The following BOP1 variants were observed in gnomAD, a reference collection of about 807,000 sequenced individuals.
BOP1 encodes the protein ribosome biogenesis protein BOP1.
In BOP1, 54 loss-of-function variants were observed where a neutral mutation model predicts 82.9. The ratio of observed to expected loss-of-function variants is 0.65; its 90% CI spans 0.52 to 0.82. The LOEUF (loss-of-function observed/expected upper bound fraction) is 0.82. BOP1 is among the 40% of genes least tolerant of loss of function. BOP1 has a pLI of 0.00. For missense variants in BOP1, 1,170 were observed against 1,072.0 expected, an observed-to-expected ratio of 1.09 and a Z score of -1.28; for synonymous variants, 566 against 451.1, an observed-to-expected ratio of 1.25 and a Z score of -3.23.
intron 2 of BOP1, among the ~76,000 whole-genome samples, chr8:144,284,972 G>A (rs575958713): frequency 2.8e-4 from 42 of 152,334 alleles, no homozygotes; most frequent in Non-Finnish European, 4.7e-4. Context: ...CAGTCACCGG[G>A]CTCCCCGCTA....
chr8:144,288,447 G>A (rs1814943545), intron 2 of BOP1, among the ~76,000 whole-genome samples: 1 of 58,916 alleles, frequency 1.7e-5, no homozygotes. Flanking sequence ...AGAATTACTT[G>A]AACCCAGGGG....
At chr8:144,275,464 AC>A (rs1845554990) in intron 3 of BOP1, among the ~76,000 whole-genome samples, 2 of 54,862 alleles carry the variant, frequency 3.6e-5, no homozygotes, top group Admixed American at 3.3e-4. Flanking sequence ...CAGCCTCTCC[AC>A]GCTGGCGGAG....
intron 3 of BOP1, chr8:144,268,137 A>G (rs1845422764): frequency 6.4e-7 from 1 of 1,551,622 alleles, no homozygotes; most frequent in African/African-American, 1.4e-5. Context: ...AGCGATTCGC[A>G]GTTAGGAGGT....
chr8:144,263,079 T>C lies in BOP1; in HGVS notation c.1668A>G (p.Gln556=). The C allele has an allele frequency of 6.3e-7, 1 of 1,589,848 alleles. No homozygotes were observed. Among genetic ancestry groups the C allele is most frequent in the Non-Finnish European group, 8.5e-7 (1 of 1,177,146 alleles). ...GDYLAVVLAT[Q]GHTQVLIHQL... is the part of the protein sequence containing the mutation. ...GGTGAATCAGCACCTGGGTGTGGCC[T>C]TGGGTGGCCAGCACCACGGCCAGGT... Residue 556 remains glutamine (Q), a synonymous_variant, in exon 13 of 16, where the codon CAA becomes CAG. Transcript: ENST00000569669.
intron 2 of BOP1, among the ~76,000 whole-genome samples, chr8:144,286,319 G>T (rs1357331083): frequency 2.0e-5 from 3 of 152,258 alleles, no homozygotes; most frequent in South Asian, 4.1e-4. Context: ...AGGACACGCG[G>T]GCAGATGCAC....
intron 3 of BOP1, among the ~76,000 whole-genome samples, chr8:144,272,804 CAA>C (rs1236673692): frequency 3.4e-4 from 52 of 152,324 alleles, no homozygotes; most frequent in African/African-American, 1.2e-3. Context: ...TCTCCTCTCC[CAA>C]ACCGGACAAC....
chr8:144,272,985 T>C (rs1845515080), intron 3 of BOP1, among the ~76,000 whole-genome samples: 1 of 152,002 alleles, frequency 6.6e-6, no homozygotes, highest in Non-Finnish European at 1.5e-5. Flanking sequence ...AGCAGCCCCC[T>C]CGGAGGCAGG....
chr8:144,273,163 C>A (rs1055074147), intron 3 of BOP1, among the ~76,000 whole-genome samples: 1 of 152,138 alleles, frequency 6.6e-6, no homozygotes. Context: ...GGCCAGGACG[C>A]GGGGGCGGGG....
At chr8:144,269,654 C>T (rs1293677240) in intron 3 of BOP1, among the ~76,000 whole-genome samples, 4 of 152,232 alleles carry the variant, frequency 2.6e-5, no homozygotes, top group Admixed American at 6.5e-5. Flanking sequence ...AATTTCCTCT[C>T]CCTAATCCTG....
chr8:144,281,022 T>C (rs1845664254), intron 2 of BOP1, among the ~76,000 whole-genome samples: 1 of 146,044 alleles, frequency 6.8e-6, no homozygotes, highest in Admixed American at 6.9e-5. Flanking sequence ...TCTTCGGCCT[T>C]CTCTCACTTT....
chr8:144,291,273 T>C lies in BOP1; in HGVS notation c.98A>G (p.Glu33Gly). 1 of 1,458,448 alleles carries C rather than the reference T, an allele frequency of 6.9e-7. No homozygotes were observed. The highest frequency in any genetic ancestry group is 9.0e-7 in the Non-Finnish European group (1 of 1,107,218). 90.3% of individuals were successfully genotyped at this position (1,458,448 alleles called of 1,614,324 possible). ...EPELEPEPEP[E>G]PPLLCTSPLS... ...GCCGCCCCGCATCGCCACAGTCACCTCCGGCTCGGGCTCAGGCTCCAGTTC... is the reference window on the plus strand; with the variant it reads ...GCCGCCCCGCATCGCCACAGTCACCCCCGGCTCGGGCTCAGGCTCCAGTTC... The change falls in exon 1 of 16, where the codon GAG becomes GGG. Residue 33 changes from glutamate (E) to glycine (G), a missense_variant and splice_region_variant. Coordinates refer to ENST00000569669, the MANE Select transcript of BOP1 (RefSeq NM_015201.5). The surrounding 1 kb of genome is among the most constrained non-coding windows in gnomAD (Gnocchi z 4.1).
chr8:144,286,397 GCGC>G (rs1814869740), intron 2 of BOP1, among the ~76,000 whole-genome samples: 218 of 147,230 alleles, frequency 1.5e-3, no homozygotes, highest in Non-Finnish European at 2.6e-3. Flanking sequence ...AGGTGCATGG[GCGC>G]CACGGCAGGG....
intron 3 of BOP1, among the ~76,000 whole-genome samples, chr8:144,274,775 G>C (rs1231968784): frequency 3.3e-5 from 5 of 152,368 alleles, no homozygotes; most frequent in African/African-American, 1.2e-4. Context: ...GCACCCCCAG[G>C]GGCAGCAGGG....
At chr8:144,290,399 T>C (rs1372945202) in intron 1 of BOP1, among the ~76,000 whole-genome samples, 1 of 151,880 alleles carries the variant, frequency 6.6e-6, no homozygotes, top group East Asian at 1.9e-4. Context: ...AGCAGTTGAA[T>C]GCAGAATTCT....
At chr8:144,278,042 C>A (rs1554838502) in intron 2 of BOP1, among the ~76,000 whole-genome samples, 1 of 152,366 alleles carries the variant, frequency 6.6e-6, no homozygotes, top group Admixed American at 6.5e-5. Context: ...GGAGTCAGCC[C>A]GGATTCTCCA....
In BOP1 at chr8:144,262,408, C is replaced by T; in HGVS notation, c.2075G>A (p.Gly692Asp). 6.2e-7 allele frequency: 1 copy of T among 1,612,748 alleles called. No homozygotes were observed. Among genetic ancestry groups the T allele is most frequent in the South Asian group, 1.1e-5 (1 of 91,072 alleles). ...SDDGSVIVCH[G>D]MVYNDLLQNP... ...GGTCAGCACTCACTTGTACACCATG[C>T]CATGGCAGACGATGACACTGCCGTC... Residue 692 changes from glycine (G) to aspartate (D), a missense_variant, in exon 15 of 16, where the codon GGC becomes GAC. Physicochemically the swap from Gly to Asp is moderately conservative, Grantham distance 94 (BLOSUM62 -1). Transcript: ENST00000569669.
intron 3 of BOP1, chr8:144,266,529 C>A (rs1251772239): frequency 2.0e-6 from 2 of 991,732 alleles, no homozygotes; most frequent in Admixed American, 6.2e-5. Context: ...CGCCTCGCCC[C>A]GGCCGGCCCG....
intron 3 of BOP1, among the ~76,000 whole-genome samples, chr8:144,270,836 G>C (rs1845480307): frequency 6.6e-6 from 1 of 152,132 alleles, no homozygotes; most frequent in Admixed American, 6.5e-5. Context: ...GAGGCAGCTG[G>C]GACGGAAGGG....
chr8:144,266,751 C>G (rs1845377763), intron 3 of BOP1: 2 of 1,076,716 alleles, frequency 1.9e-6, no homozygotes, highest in African/African-American at 1.7e-5. Context: ...ACGCGGCGCG[C>G]TGCGGCCTCC....
Sources: gnomAD v4.1 joint callset for allele counts (sites outside exome capture counted in the v4.1 genomes callset) on GRCh38, gnomAD v4.1.1 for gene constraint, Gnocchi (gnomAD v3.1) non-coding constraint, MANE v1.5 for transcripts, NCBI Gene and HGNC (gene_info 2026-07-23, HGNC 2026-07-21) for gene names.